LGMN: variants seen among roughly 807,000 people sequenced by gnomAD.
LGMN encodes legumain, also known as asparaginyl endopeptidase.
LGMN carries 36 observed loss-of-function variants against 56.8 expected under a neutral mutation model. That is an observed-to-expected ratio of 0.63 (90% CI 0.49 to 0.84). LGMN has a LOEUF of 0.84. Ranked by LOEUF, LGMN falls within the 40% of genes least tolerant of loss-of-function variation. The probability of loss-of-function intolerance (pLI) is 0.00; values close to 1 mark genes in which losing one functional copy is unlikely to be tolerated. For missense variants in LGMN, 446 were observed against 556.1 expected (o/e 0.80, Z 1.99); for synonymous variants, 199 against 210.1 (o/e 0.95, Z 0.46).
chr14:92,731,843 T>G (rs1243131482), intron 2 of LGMN, among the ~76,000 whole-genome samples: 1 of 152,220 alleles, frequency 6.6e-6, no homozygotes, highest in Non-Finnish European at 1.5e-5. Flanking sequence ...ATATGTTCAA[T>G]TTGATGTTTA....
chr14:92,732,930 CA>C (rs1267982166), intron 1 of LGMN, 115 bp from the exon 2 acceptor site: 1 of 728,414 alleles, frequency 1.4e-6, no homozygotes, highest in African/African-American at 1.8e-5. Context: ...GAGGGTGGAT[CA>C]AGAGGTCAGG....
intron 4 of LGMN, among the ~76,000 whole-genome samples, chr14:92,716,966 A>T (rs775896020): frequency 1.3e-5 from 2 of 152,134 alleles, no homozygotes; most frequent in Non-Finnish European, 2.9e-5. Context: ...TATATAATAA[A>T]CTATATAACA....
intron 2 of LGMN, among the ~76,000 whole-genome samples, chr14:92,720,026 C>T (rs1890373559): frequency 6.6e-6 from 1 of 152,234 alleles, no homozygotes; most frequent in Non-Finnish European, 1.5e-5. Flanking sequence ...GCTCATAAAA[C>T]ATGCAGACTG....
At chr14:92,740,507 GTGTT>G (rs1383964620) in intron 1 of LGMN, among the ~76,000 whole-genome samples, 1 of 152,202 alleles carries the variant, frequency 6.6e-6, no homozygotes, top group African/African-American at 2.4e-5. Context: ...GGCAAAGACT[GTGTT>G]TGTTCCACTA....
At chr14:92,726,057 T>C (rs1401615653) in intron 2 of LGMN, among the ~76,000 whole-genome samples, 2 of 150,572 alleles carry the variant, frequency 1.3e-5, no homozygotes, top group African/African-American at 4.9e-5. Flanking sequence ...GCTAACATGG[T>C]AAAACCCTGT....
At chr14:92,719,236 GCCACCACCGCCACCA>G (rs1566924022) in intron 2 of LGMN, among the ~76,000 whole-genome samples, 2 of 72,858 alleles carry the variant, frequency 2.7e-5, no homozygotes, top group Non-Finnish European at 5.0e-5. Context: ...CACCGCCACC[GCCACCACCGCCACCA>G]CCACCACCGC....
At chr14:92,716,996 C>A (rs1595536752) in intron 4 of LGMN, among the ~76,000 whole-genome samples, 1 of 152,096 alleles carries the variant, frequency 6.6e-6, no homozygotes, top group South Asian at 2.1e-4. Flanking sequence ...GAAAAACTAT[C>A]TCAGCAAAAA....
At chr14:92,745,063 C>T (rs950717588) in intron 1 of LGMN, among the ~76,000 whole-genome samples, 4 of 152,010 alleles carry the variant, frequency 2.6e-5, no homozygotes, top group Non-Finnish European at 2.9e-5. Context: ...TCTGGGAGGC[C>T]GAAGCCAGAG....
At chr14:92,731,204 G>A (rs979451281) in intron 2 of LGMN, among the ~76,000 whole-genome samples, 3 of 152,172 alleles carry the variant, frequency 2.0e-5, no homozygotes, top group Non-Finnish European at 4.4e-5. Context: ...TGTGTAAAGC[G>A]CTCTTAGAAG....
At chr14:92,744,277 G>A (rs999651597) in intron 1 of LGMN, among the ~76,000 whole-genome samples, 16 of 152,084 alleles carry the variant, frequency 1.1e-4, no homozygotes, top group African/African-American at 2.7e-4. Context: ...TACTCTTCAC[G>A]GTTATCTAAT....
At chr14:92,712,529 ATGGAGGCTAG>A (rs141681490) in intron 8 of LGMN, among the ~76,000 whole-genome samples, 2,215 of 152,324 alleles carry the variant, frequency 0.015, 45 homozygotes, top group Middle Eastern at 0.031. Context: ...ATTGCAAAGG[ATGGAGGCTAG>A]TCCAAAGCCC....
intron 2 of LGMN, among the ~76,000 whole-genome samples, chr14:92,728,217 G>A (rs556116590): frequency 2.2e-4 from 33 of 152,312 alleles, no homozygotes; most frequent in African/African-American, 7.2e-4. Flanking sequence ...CAATGGTTTC[G>A]GGATGAAACT....
chr14:92,712,955 T>C, intron 7 of LGMN, 84 bp from the exon 8 acceptor site: 1 of 1,219,248 alleles, frequency 8.2e-7, no homozygotes, highest in Non-Finnish European at 1.2e-6. Context: ...CCACTCTCTC[T>C]ACCCATTCCT....
chr14:92,712,043 T>A, intron 8 of LGMN, 88 bp from the exon 9 acceptor site: 1 of 1,023,518 alleles, frequency 9.8e-7, no homozygotes, highest in Non-Finnish European at 1.5e-6. Flanking sequence ...TCTCCCCCGG[T>A]GAAATCGAAG....
intron 12 of LGMN, 87 bp downstream of exon 12, chr14:92,706,396 A>G: frequency 8.7e-7 from 1 of 1,146,756 alleles, no homozygotes; most frequent in East Asian, 2.6e-5. Flanking sequence ...GGAACCTTCT[A>G]TAAGGTCGTA....
chr14:92,707,160 G>A (rs1162130572), intron 11 of LGMN, among the ~76,000 whole-genome samples: 1 of 151,986 alleles, frequency 6.6e-6, no homozygotes, highest in African/African-American at 2.4e-5. Context: ...AGGAGGCCGA[G>A]GCAGGAGGAT....
intron 1 of LGMN, among the ~76,000 whole-genome samples, chr14:92,748,229 G>T (rs949960053): frequency 5.9e-5 from 9 of 151,996 alleles, no homozygotes; most frequent in South Asian, 2.1e-4. Flanking sequence ...AGAGCACTGA[G>T]CCCTTCCAGC....
In LGMN at chr14:92,706,489, G is replaced by C; in HGVS notation, c.1185C>G (p.Ser395=). 7 of 1,548,364 alleles carry C rather than the reference G, an allele frequency of 4.5e-6. No individual in the cohort carries two copies. Among genetic ancestry groups the C allele is most frequent in the Non-Finnish European group, 6.2e-6 (7 of 1,135,468 alleles). The part of the protein sequence containing the change: ...HFRTHCFNWH[S]PTYEYALRHL... Reference sequence around the variant, plus strand: ...GGAGAGCCTGCTGGCTCACCGTGGGGGAGTGCCAGTTGAAGCAGTGGGTCC... The same window carrying C: ...GGAGAGCCTGCTGGCTCACCGTGGGCGAGTGCCAGTTGAAGCAGTGGGTCC... The change falls in exon 12 of 14, where the codon TCC becomes TCG. Residue 395 remains serine (S), a synonymous_variant. Coordinates refer to ENST00000334869, the MANE Select transcript of LGMN (RefSeq NM_005606.7).
intron 1 of LGMN, among the ~76,000 whole-genome samples, chr14:92,740,810 A>G (rs890895950): frequency 1.3e-5 from 2 of 152,192 alleles, no homozygotes; most frequent in African/African-American, 4.8e-5. Context: ...CCAGCCTCCA[A>G]TGACAAGTCC....
Sources: allele counts gnomAD v4.1 joint callset (sites outside exome capture counted in the v4.1 genomes callset), GRCh38; gene constraint gnomAD v4.1.1; transcripts MANE v1.5; gene names NCBI Gene and HGNC (gene_info 2026-07-23, HGNC 2026-07-21).